OTOGL: variants seen among roughly 807,000 people sequenced by gnomAD.
OTOGL encodes the protein otogelin like.
A neutral mutation model predicts 318.5 loss-of-function variants in OTOGL; 285 were observed. The observed-to-expected ratio is 0.89, with a 90% CI of 0.81 to 0.99. The LOEUF is 0.99. Ranked by LOEUF, OTOGL falls within the 50% of genes least tolerant of loss-of-function variation. The probability of loss-of-function intolerance (pLI) is 0.00; values close to 1 mark genes in which losing one functional copy is unlikely to be tolerated. For synonymous variants in OTOGL, 987 were observed against 936.5 expected, an observed-to-expected ratio of 1.05 and a Z score of -0.99; for missense variants, 2,899 against 2,845.6, an observed-to-expected ratio of 1.02 and a Z score of -0.43.
intron 1 of OTOGL, among the ~76,000 whole-genome samples, chr12:80,148,946 T>C (rs1254855644): frequency 5.9e-5 from 9 of 152,180 alleles, no homozygotes; most frequent in Non-Finnish European, 1.3e-4. Context: ...ATTCTAGTTA[T>C]ACATTATTCT....
chr12:80,328,919 C>A, intron 36 of OTOGL, 132 bp from the exon 37 acceptor site: 3 of 1,008,810 alleles, frequency 3.0e-6, no homozygotes, highest in South Asian at 1.7e-5. Flanking sequence ...TCATGTAGAT[C>A]TTCCACTAAC....
At chr12:80,200,793 AT>A (rs1480289668) in intron 1 of OTOGL, among the ~76,000 whole-genome samples, 1 of 152,204 alleles carries the variant, frequency 6.6e-6, no homozygotes, top group African/African-American at 2.4e-5. Context: ...AGAAGATATT[AT>A]AATGTGTGTC....
chr12:80,133,271 A>G (rs555509737), intron 1 of OTOGL, among the ~76,000 whole-genome samples: 1 of 152,100 alleles, frequency 6.6e-6, no homozygotes, highest in South Asian at 2.1e-4. Context: ...TTAGGCAATG[A>G]TTATTGAATA....
chr12:80,155,853 A>G (rs1162997196), intron 1 of OTOGL, among the ~76,000 whole-genome samples: 1 of 152,212 alleles, frequency 6.6e-6, no homozygotes, highest in Non-Finnish European at 1.5e-5. Context: ...TACCACAGAT[A>G]AGTGAGAACG....
rs1426113748 is a variant in OTOGL at position 80,339,116 on chromosome 12, T to C, written c.4902T>C (p.Ser1634=). The change falls in exon 43 of 59, where the codon AGT becomes AGC. Residue 1634 remains serine (S), a synonymous_variant. Transcript: ENST00000547103. The stretch of plus-strand genomic sequence containing the variant: ...TTGTTGTGCCTTTGCCCTTTTCAAG[T>C]CAGGAACTGTCCATAGAGGATTCTG... The part of the protein sequence containing the change: ...DSIVVPLPFS[S]QELSIEDSGS... 1.6e-5 allele frequency: 25 copies of C among 1,611,576 alleles called. No individual in the cohort carries two copies. The highest frequency in any genetic ancestry group is 2.0e-5 in the Non-Finnish European group (23 of 1,178,068).
chr12:80,250,992 AT>A (rs1881493645), intron 11 of OTOGL, among the ~76,000 whole-genome samples: 1 of 152,248 alleles, frequency 6.6e-6, no homozygotes, highest in Non-Finnish European at 1.5e-5. Context: ...TGTTATAAAA[AT>A]AATTAGCTTT....
chr12:80,142,246 A>G (rs1431570993), intron 1 of OTOGL, among the ~76,000 whole-genome samples: 3 of 152,182 alleles, frequency 2.0e-5, no homozygotes, highest in Non-Finnish European at 2.9e-5. Flanking sequence ...TTAGTAATAT[A>G]TCATAGATTG....
At chr12:80,157,859 C>T (rs1873230872) in intron 1 of OTOGL, among the ~76,000 whole-genome samples, 1 of 152,084 alleles carries the variant, frequency 6.6e-6, no homozygotes, top group Non-Finnish European at 1.5e-5. Flanking sequence ...TGTTGGCTCT[C>T]AGTTCTTCCA....
chr12:80,145,412 T>C (rs1872276491), intron 1 of OTOGL, among the ~76,000 whole-genome samples: 1 of 151,970 alleles, frequency 6.6e-6, no homozygotes, highest in East Asian at 1.9e-4. Flanking sequence ...GTTCCATTGA[T>C]CTATATCTCT....
Position 80,267,274 on chromosome 12 carries a change from T to C in OTOGL, c.2412T>C (p.Tyr804=). Residue 804 remains tyrosine, a synonymous_variant, in exon 22 of 59, where the codon TAT becomes TAC. Coordinates refer to ENST00000547103, the MANE Select transcript of OTOGL (RefSeq NM_001378609.3). ...CVPIFHCRCH[Y]RGSVYQPGEL... is the part of the protein sequence containing the mutation. The stretch of plus-strand genomic sequence containing the variant: ...ATAGATTCCACTGCCGTTGTCATTA[T>C]AGGGGCAGTGTTTATCAACCTGGAG... 6.4e-7 allele frequency: 1 copy of C among 1,562,202 alleles called. No homozygotes were observed. Among genetic ancestry groups the C allele is most frequent in the East Asian group, 2.3e-5 (1 of 43,812 alleles).
At chr12:80,278,142 A>G (rs1377783514) in intron 24 of OTOGL, 26 bp from the exon 25 acceptor site, 5 of 1,490,750 alleles carry the variant, frequency 3.4e-6, no homozygotes, top group Non-Finnish European at 4.6e-6. Context: ...TTCATACTAA[A>G]TAGCATTTTA....
chr12:80,127,893 G>T (rs957065944), intron 1 of OTOGL, among the ~76,000 whole-genome samples: 3 of 152,142 alleles, frequency 2.0e-5, no homozygotes, highest in East Asian at 3.9e-4. Flanking sequence ...AGCTCCATCA[G>T]GTCCTTTAAG....
chr12:80,379,705 T>C lies in OTOGL; in HGVS notation c.*1657T>C, dbSNP rs528049009. ...ATCTATTGCCCATTTTTATTTCCAT[T>C]TTCTGTAAAATATTCATTATTAAAA... On this transcript the variant is annotated 3_prime_UTR_variant, in exon 59 of 59. Coordinates refer to ENST00000547103, the MANE Select transcript of OTOGL (RefSeq NM_001378609.3). The C allele has an allele frequency of 7.9e-5, 12 of 152,122 alleles. No individual in the cohort carries two copies. Among genetic ancestry groups the C allele is most frequent in the African/African-American group, 2.9e-4 (12 of 41,556 alleles). The allele number at this position is 152,122 out of a possible 1,614,324, so 9.4% of individuals were successfully genotyped here.
chr12:80,219,893 T>A lies in OTOGL; in HGVS notation c.315T>A (p.Leu105=). 6.3e-7 allele frequency: 1 copy of A among 1,579,916 alleles called. No individual in the cohort carries two copies. The highest frequency in any genetic ancestry group is 1.1e-5 in the South Asian group (1 of 89,800). The change falls in exon 6 of 59, where the codon CTT becomes CTA. Residue 105 remains leucine (L), a synonymous_variant. Coordinates refer to ENST00000547103, the MANE Select transcript of OTOGL (RefSeq NM_001378609.3). ...GTGACTGTCAAATATTTCAGGCTCT[T>A]GGGACAAGATGCCAGATCAGTAAGT... ...GTCDCQIFQA[L]GTRCQIIPNM... is the part of the protein sequence containing the mutation.
At chr12:80,132,540 C>G (rs1449229019) in intron 1 of OTOGL, 2 of 152,146 alleles carry the variant, frequency 1.3e-5, no homozygotes, top group African/African-American at 4.8e-5. Context: ...TCATACCCTT[C>G]CCTAGAGGAG....
intron 1 of OTOGL, among the ~76,000 whole-genome samples, chr12:80,111,749 AT>A (rs1418635074): frequency 6.6e-6 from 1 of 152,166 alleles, no homozygotes; most frequent in Non-Finnish European, 1.5e-5. Flanking sequence ...TTGGTTCCAT[AT>A]GAAATTTAAG....
At chr12:80,358,403 G>T in intron 50 of OTOGL, 54 bp downstream of exon 50, 2 of 1,366,892 alleles carry the variant, frequency 1.5e-6, no homozygotes, top group Non-Finnish European at 2.0e-6. Context: ...TGTTTAAGAA[G>T]CCCAGTGCAT....
intron 3 of OTOGL, 120 bp from the exon 4 acceptor site, chr12:80,211,829 A>G (rs961623197): frequency 1.2e-6 from 1 of 824,084 alleles, no homozygotes; most frequent in South Asian, 1.8e-5. Flanking sequence ...TTAAACCAAG[A>G]AAGACCTCTT....
At chr12:80,248,665 G>T (rs1269689835) in intron 11 of OTOGL, among the ~76,000 whole-genome samples, 4 of 137,464 alleles carry the variant, frequency 2.9e-5, no homozygotes, top group Non-Finnish European at 6.2e-5. Context: ...TTCTCGAGGA[G>T]TATCTTTGTG....
Sources: allele counts gnomAD v4.1 joint callset (sites outside exome capture counted in the v4.1 genomes callset), GRCh38; gene constraint gnomAD v4.1.1; transcripts MANE v1.5; gene names NCBI Gene and HGNC (gene_info 2026-07-23, HGNC 2026-07-21).